Variants in PPP2R2C observed in about 807,000 individuals in gnomAD.
The protein encoded by PPP2R2C is protein phosphatase 2 regulatory subunit Bgamma.
PPP2R2C carries 10 observed loss-of-function variants against 45.3 expected under a neutral mutation model. The ratio of observed to expected loss-of-function variants is 0.22; its 90% CI spans 0.14 to 0.37. The LOEUF (loss-of-function observed/expected upper bound fraction) is 0.37, where lower values mean the gene tolerates loss of function less well. Among genes scored for constraint, PPP2R2C ranks in the 10% least tolerant of loss-of-function variants. PPP2R2C has a pLI of 1.00. For missense variants in PPP2R2C, 308 were observed against 619.7 expected (o/e 0.50, Z 5.34); for synonymous variants, 257 against 245.4 (o/e 1.05, Z -0.44).
intron 1 of PPP2R2C, among the ~76,000 whole-genome samples, chr4:6,395,023 C>T (rs1237074216): frequency 6.6e-6 from 1 of 152,150 alleles, no homozygotes; most frequent in African/African-American, 2.4e-5. Context: ...CCGCCCTGGC[C>T]TGGCCATGGT....
At chr4:6,387,603 G>C (rs1400599480) in intron 1 of PPP2R2C, among the ~76,000 whole-genome samples, 1 of 152,120 alleles carries the variant, frequency 6.6e-6, no homozygotes, top group Non-Finnish European at 1.5e-5. Flanking sequence ...CTGAGCTCAG[G>C]AGATCGAGAC....
rs924090852 is a variant in PPP2R2C at position 6,530,229 on chromosome 4, A to C, written c.49+5042T>G. On this transcript the variant is annotated intron_variant, in intron 2 of 9. Transcript: ENST00000506140. ...AGGTACACACCGTGAAAAAGCACCC[A>C]CTTGTAACTGCATCTTGAGTTCTCC... 4.6e-5 allele frequency among the ~76,000 whole-genome samples: 7 copies of C among 152,262 alleles called. No individual in the cohort carries two copies. In the East Asian group the frequency reaches 1.4e-3, roughly 29 times the overall value.
At chr4:6,410,165 A>G (rs1182584827) in intron 1 of PPP2R2C, among the ~76,000 whole-genome samples, 3 of 152,184 alleles carry the variant, frequency 2.0e-5, no homozygotes, top group African/African-American at 7.2e-5. Flanking sequence ...AGCCCTCCCC[A>G]CAGCCTCAGC....
chr4:6,429,247 C>A (rs1487622710), intron 1 of PPP2R2C, among the ~76,000 whole-genome samples: 2 of 152,202 alleles, frequency 1.3e-5, no homozygotes, highest in African/African-American at 2.4e-5. Context: ...CTGACCGTGA[C>A]GCTGCCATTT....
chr4:6,404,428 G>A (rs897757601), intron 1 of PPP2R2C, among the ~76,000 whole-genome samples: 3 of 152,198 alleles, frequency 2.0e-5, no homozygotes, highest in African/African-American at 7.2e-5. Context: ...GGTGCCAGCT[G>A]CTCCTGACCT....
intron 1 of PPP2R2C, among the ~76,000 whole-genome samples, chr4:6,434,932 T>G (rs559014350): frequency 4.0e-4 from 61 of 151,596 alleles, no homozygotes; most frequent in African/African-American, 1.0e-3. Context: ...TGAATTTTTT[T>G]GGGGGTTCTT....
chr4:6,347,789 T>TCCCC, intron 6 of PPP2R2C, 57 bp downstream of exon 6: 18 of 1,033,604 alleles, frequency 1.7e-5, no homozygotes, highest in East Asian at 6.3e-5. Flanking sequence ...GGACAGGACA[T>TCCCC]CCCACCCGCC....
intron 5 of PPP2R2C, among the ~76,000 whole-genome samples, chr4:6,356,502 G>T (rs1713205107): frequency 6.6e-6 from 1 of 152,220 alleles, no homozygotes. Flanking sequence ...TGACCATCTG[G>T]GGGTGGCTCC....
chr4:6,432,281 C>T (rs1719666739), intron 1 of PPP2R2C, among the ~76,000 whole-genome samples: 1 of 152,206 alleles, frequency 6.6e-6, no homozygotes, highest in Non-Finnish European at 1.5e-5. Context: ...AGTGACCTTT[C>T]TGAGAAACAA....
At chr4:6,422,405 A>AT (rs748092410) in intron 1 of PPP2R2C, among the ~76,000 whole-genome samples, 1 of 152,170 alleles carries the variant, frequency 6.6e-6, no homozygotes, top group African/African-American at 2.4e-5. Flanking sequence ...CAGCGTCCTC[A>AT]TTTTTTTATA....
intron 6 of PPP2R2C, among the ~76,000 whole-genome samples, chr4:6,347,280 G>T (rs763899534): frequency 5.9e-5 from 9 of 152,198 alleles, no homozygotes; most frequent in Non-Finnish European, 8.8e-5. Context: ...TATGCTGGGG[G>T]CTGCTGTGTC....
At chr4:6,449,533 C>T (rs898831669) in intron 1 of PPP2R2C, among the ~76,000 whole-genome samples, 5 of 152,242 alleles carry the variant, frequency 3.3e-5, no homozygotes, top group African/African-American at 7.2e-5. Flanking sequence ...CCCCCGCCGC[C>T]GCCTGGCCCC....
chr4:6,486,058 G>A (rs1680551133), intron 2 of PPP2R2C, among the ~76,000 whole-genome samples: 1 of 151,882 alleles, frequency 6.6e-6, no homozygotes, highest in Non-Finnish European at 1.5e-5. Flanking sequence ...TGGTTTTAGC[G>A]ACATCTCATA....
In PPP2R2C at chr4:6,413,856, G is replaced by A. The variant is rs571071733; in HGVS notation, c.71-32762C>T. On this transcript the variant is annotated intron_variant, in intron 1 of 8. Transcript: ENST00000382599. The stretch of plus-strand genomic sequence containing the variant: ...CCCACTCAGGGCTGGCCAGCTCCAC[G>A]ATGGGGACCCTCCCAACTCTCATGA... 2.5e-5 allele frequency: 38 copies of A among 1,535,654 alleles called. 1 individual carries two copies. In the South Asian group the frequency reaches 2.6e-4, roughly 11 times the overall value.
intron 1 of PPP2R2C, among the ~76,000 whole-genome samples, chr4:6,417,760 C>G (rs183744716): frequency 6.6e-6 from 1 of 152,364 alleles, no homozygotes; most frequent in East Asian, 1.9e-4. Context: ...AGAGGGGAAC[C>G]TCGGCTGCGT....
At chr4:6,346,212 G>A (rs1281632955) in intron 6 of PPP2R2C, among the ~76,000 whole-genome samples, 1 of 152,152 alleles carries the variant, frequency 6.6e-6, no homozygotes, top group Admixed American at 6.5e-5. Context: ...ACCCTCTGCG[G>A]CGTCTCCTCT....
intron 1 of PPP2R2C, among the ~76,000 whole-genome samples, chr4:6,400,285 G>T (rs1477405461): frequency 6.6e-6 from 1 of 152,054 alleles, no homozygotes; most frequent in Non-Finnish European, 1.5e-5. Flanking sequence ...TATTAAGCTA[G>T]AGATTAAAGA....
At chr4:6,543,543 A>T (rs1724876361) in intron 1 of PPP2R2C, among the ~76,000 whole-genome samples, 1 of 152,200 alleles carries the variant, frequency 6.6e-6, no homozygotes, top group Non-Finnish European at 1.5e-5. Context: ...CAACCTGGCC[A>T]AACCCCGTCT....
chr4:6,536,316 A>G (rs993085004), intron 1 of PPP2R2C, among the ~76,000 whole-genome samples: 13 of 152,248 alleles, frequency 8.5e-5, no homozygotes, highest in African/African-American at 2.9e-4. Context: ...TGCACAGTGC[A>G]CTTTCCTCAC....
Sources: allele counts gnomAD v4.1 joint callset (sites outside exome capture counted in the v4.1 genomes callset), GRCh38; gene constraint gnomAD v4.1.1; transcripts MANE v1.5; gene names NCBI Gene and HGNC (gene_info 2026-07-23, HGNC 2026-07-21).